Variants in SYN3 observed in about 807,000 individuals in gnomAD.
SYN3 encodes synapsin III, also known as synapsin-3.
In SYN3, 35 loss-of-function variants were observed where a neutral mutation model predicts 65.8. That is an observed-to-expected ratio of 0.53 (90% CI 0.41 to 0.70). The LOEUF (loss-of-function observed/expected upper bound fraction) is 0.70. Among genes scored for constraint, SYN3 ranks in the 30% least tolerant of loss-of-function variants. SYN3 has a pLI of 0.00. For missense variants in SYN3, 680 were observed against 749.0 expected, an observed-to-expected ratio of 0.91 and a Z score of 1.08; for synonymous variants, 270 against 292.9, an observed-to-expected ratio of 0.92 and a Z score of 0.80.
chr22:32,833,649 G>A (rs1421897860), intron 6 of SYN3, among the ~76,000 whole-genome samples: 1 of 152,228 alleles, frequency 6.6e-6, no homozygotes, highest in African/African-American at 2.4e-5. Flanking sequence ...GTAGGACCCA[G>A]AGATGAGAAG....
chr22:32,947,550 A>G (rs2051150308), intron 3 of SYN3: 1 of 152,184 alleles, frequency 6.6e-6, no homozygotes. Flanking sequence ...GAAAGGCTCA[A>G]CCTAAGTTTC....
At chr22:32,634,599 C>T (rs1423479715) in intron 6 of SYN3, among the ~76,000 whole-genome samples, 1 of 152,172 alleles carries the variant, frequency 6.6e-6, no homozygotes, top group Non-Finnish European at 1.5e-5. Flanking sequence ...TGGTTCCCTC[C>T]CTGCGAGGGG....
At chr22:32,523,641 G>C (rs1327558006) in intron 12 of SYN3, among the ~76,000 whole-genome samples, 1 of 152,084 alleles carries the variant, frequency 6.6e-6, no homozygotes, top group Non-Finnish European at 1.5e-5. Context: ...CTTTCCCCTA[G>C]ACACAACAAT....
rs140188697 is a variant in SYN3, at chr22:32,928,840, T to C, written c.461+2550A>G. On this transcript the variant is annotated intron_variant, in intron 4 of 13. Transcript: ENST00000358763. ...CTAACAGTCTTTCCTGCACCTCCGA[T>C]CTTTTTCTCTCTGTGCTTCCTTCAG... Among the ~76,000 whole-genome samples, 559 of 152,350 alleles carry C rather than the reference T, an allele frequency of 3.7e-3. 4 individuals are homozygous for C. Among genetic ancestry groups the C allele is most frequent in the African/African-American group, 0.013 (535 of 41,586 alleles).
At chr22:32,529,635 T>C (rs930314192) in intron 10 of SYN3, among the ~76,000 whole-genome samples, 2 of 152,126 alleles carry the variant, frequency 1.3e-5, no homozygotes, top group Non-Finnish European at 1.5e-5. Context: ...ATAGAGCAAC[T>C]GAGGCCCAGA....
At chr22:32,912,105 C>T (rs913507971) in intron 4 of SYN3, among the ~76,000 whole-genome samples, 2 of 152,156 alleles carry the variant, frequency 1.3e-5, no homozygotes, top group Non-Finnish European at 2.9e-5. Flanking sequence ...CAGCACAGTT[C>T]CCCGACACAA....
chr22:32,942,230 T>C (rs1435789220), intron 3 of SYN3, among the ~76,000 whole-genome samples: 1 of 152,178 alleles, frequency 6.6e-6, no homozygotes, highest in African/African-American at 2.4e-5. Context: ...CACGGCCAGG[T>C]ACCCCTCTGA....
At chr22:32,518,368 T>C (rs748075071) in intron 12 of SYN3, 34 bp from the exon 13 acceptor site, 7 of 1,607,298 alleles carry the variant, frequency 4.4e-6, no homozygotes, top group Non-Finnish European at 5.9e-6. Context: ...TTCAGTTCAA[T>C]TTTTTTTCTT....
At chr22:32,663,333 C>G (rs1299601145) in intron 6 of SYN3, among the ~76,000 whole-genome samples, 13 of 146,608 alleles carry the variant, frequency 8.9e-5, no homozygotes, top group Non-Finnish European at 1.6e-4. Flanking sequence ...GAGTCTCACT[C>G]TGTCGCCCAG....
intron 6 of SYN3, among the ~76,000 whole-genome samples, chr22:32,655,145 T>C (rs1291457411): frequency 1.3e-5 from 2 of 152,188 alleles, no homozygotes; most frequent in African/African-American, 4.8e-5. Flanking sequence ...AGAGAGCTGC[T>C]TGGCTCTTCC....
At chr22:32,613,718 T>C (rs906536615) in intron 6 of SYN3, among the ~76,000 whole-genome samples, 1 of 152,210 alleles carries the variant, frequency 6.6e-6, no homozygotes, top group Non-Finnish European at 1.5e-5. Flanking sequence ...GTTACCATTA[T>C]CATTATTACG....
chr22:33,004,841 G>A (rs2053155908), intron 2 of SYN3, among the ~76,000 whole-genome samples: 1 of 152,170 alleles, frequency 6.6e-6, no homozygotes, highest in South Asian at 2.1e-4. Context: ...GGGGCCAGGG[G>A]TGGAATGATA....
At chr22:32,572,418 T>C (rs1430672432) in intron 7 of SYN3, among the ~76,000 whole-genome samples, 1,988 of 7,380 alleles carry the variant, frequency 0.27, 216 homozygotes, top group African/African-American at 0.44. Flanking sequence ...TGTCTTTCCT[T>C]CCTTCTTCCT....
chr22:32,586,103 TAC>T (rs2059036613), intron 7 of SYN3, among the ~76,000 whole-genome samples: 4 of 147,948 alleles, frequency 2.7e-5, no homozygotes, highest in Non-Finnish European at 4.5e-5. Context: ...TATATATGTA[TAC>T]ATGTATATGT....
chr22:32,992,880 T>C (rs368095144), intron 2 of SYN3, among the ~76,000 whole-genome samples: 1 of 152,208 alleles, frequency 6.6e-6, no homozygotes, highest in Non-Finnish European at 1.5e-5. Context: ...GATTCCATCA[T>C]TGCAGGGGAA....
Position 32,801,123 on chromosome 22 carries a change from G to C in SYN3, c.711+63792C>G, listed in dbSNP as rs886820915. Reference sequence around the variant, plus strand: ...AAACAGTCTTCTATCATATATCATAGCCAGCTGCAAACAGCAGATGGCTTC... The same window carrying C: ...AAACAGTCTTCTATCATATATCATACCCAGCTGCAAACAGCAGATGGCTTC... On this transcript the variant is annotated intron_variant, in intron 6 of 13. Transcript: ENST00000358763. This position sits in a 1 kb window ranked among gnomAD's most constrained non-coding sequence, Gnocchi z 4.7. 6.6e-6 allele frequency among the ~76,000 whole-genome samples: 1 copy of C among 152,224 alleles called. No homozygotes were observed. The highest frequency in any genetic ancestry group is 2.4e-5 in the African/African-American group (1 of 41,460).
At chr22:32,817,316 T>C (rs955093771) in intron 6 of SYN3, among the ~76,000 whole-genome samples, 2 of 152,236 alleles carry the variant, frequency 1.3e-5, no homozygotes, top group Non-Finnish European at 2.9e-5. Flanking sequence ...GAAGTCCTGC[T>C]GCATGGTGAC....
chr22:32,784,780 G>C (rs927417036), intron 6 of SYN3: 1 of 152,248 alleles, frequency 6.6e-6, no homozygotes, highest in Admixed American at 6.5e-5. Context: ...GAAGAGAACA[G>C]CATATCGCAG....
intron 3 of SYN3, among the ~76,000 whole-genome samples, chr22:32,965,449 G>A (rs906157020): frequency 6.6e-6 from 1 of 151,962 alleles, no homozygotes; most frequent in African/African-American, 2.4e-5. Context: ...ATTATGTACC[G>A]AATAAGTGTC....
Sources: allele counts gnomAD v4.1 joint callset (sites outside exome capture counted in the v4.1 genomes callset), GRCh38; gene constraint gnomAD v4.1.1; non-coding constraint Gnocchi (gnomAD v3.1); transcripts MANE v1.5; gene names NCBI Gene and HGNC (gene_info 2026-07-23, HGNC 2026-07-21).